The following RAB11FIP3 variants were observed in gnomAD, a reference collection of about 807,000 sequenced individuals.
RAB11FIP3 encodes RAB11 family interacting protein 3.
In RAB11FIP3, 17 loss-of-function variants were observed where a neutral mutation model predicts 77.8. That is an observed-to-expected ratio of 0.22 (90% CI 0.15 to 0.33). RAB11FIP3 has a LOEUF of 0.33. RAB11FIP3 is among the 10% of genes least tolerant of loss of function. The pLI, the probability that RAB11FIP3 is intolerant of heterozygous loss-of-function variation, is 1.00. For synonymous variants in RAB11FIP3, 437 were observed against 448.2 expected (o/e 0.98, Z 0.31); for missense variants, 1,005 against 1,011.2 (o/e 0.99, Z 0.08).
intron 5 of RAB11FIP3, chr16:491,055 C>G: frequency 8.3e-7 from 1 of 1,198,842 alleles, no homozygotes; most frequent in Non-Finnish European, 1.1e-6. Flanking sequence ...TGTCCTGTTC[C>G]CCTCGGCCCC....
At chr16:428,171 A>AT (rs904307722) in intron 1 of RAB11FIP3, among the ~76,000 whole-genome samples, 1 of 152,006 alleles carries the variant, frequency 6.6e-6, no homozygotes, top group African/African-American at 2.4e-5. Flanking sequence ...CTGAGTTCAC[A>AT]TTAAGAAGAT....
chr16:520,137 C>T lies in RAB11FIP3; in HGVS notation c.1876C>T (p.Arg626Ter), dbSNP rs1466672904. ...TGCCCTGCAGCTGATCGAGGACCTCCGAAAGCAGCTGGAGCACCTGCAGCT... is the reference window on the plus strand; with the variant it reads ...TGCCCTGCAGCTGATCGAGGACCTCTGAAAGCAGCTGGAGCACCTGCAGCT... ...EATQELIEDL[R>*]KQLEHLQLLK... Residue 626 changes from arginine to a stop codon, truncating the protein, a stop_gained, in exon 12 of 14, where the codon CGA becomes TGA. Transcript: ENST00000262305. LOFTEE classifies it high-confidence loss of function. The T allele has an allele frequency of 6.5e-7, 1 of 1,546,142 alleles. No homozygotes were observed. The highest frequency in any genetic ancestry group is 8.7e-7 in the Non-Finnish European group (1 of 1,147,732).
chr16:465,215 G>A (rs1467281000), intron 2 of RAB11FIP3, among the ~76,000 whole-genome samples: 3 of 152,078 alleles, frequency 2.0e-5, no homozygotes, highest in African/African-American at 4.8e-5. Context: ...CTGGATGCAG[G>A]CTTCTAGGTT....
At position 520,618 on chromosome 16, in the gene RAB11FIP3, G is replaced by T. The variant is rs1177299052; in HGVS notation, c.2157+19G>T. ...AGATGAGGTAACACATCCCGTGTCT[G>T]CACGGTGTGGCCTGGGGTCCACAGT... On this transcript the variant is annotated intron_variant, in intron 13 of 13. Coordinates refer to ENST00000262305, the MANE Select transcript of RAB11FIP3 (RefSeq NM_014700.4). 1 of 1,612,324 alleles carries T rather than the reference G, an allele frequency of 6.2e-7. No homozygotes were observed. The highest frequency in any genetic ancestry group is 2.2e-5 in the East Asian group (1 of 44,842).
intron 1 of RAB11FIP3, among the ~76,000 whole-genome samples, chr16:439,135 A>G (rs776250259): frequency 3.3e-5 from 5 of 152,224 alleles, no homozygotes; most frequent in Non-Finnish European, 5.9e-5. Context: ...ACAGGTGTGC[A>G]CCACTGTACT....
rs1413354103 is a variant in RAB11FIP3 at position 466,717 on chromosome 16, T to C, written c.809-4578T>C. On this transcript the variant is annotated intron_variant, in intron 2 of 13. Coordinates refer to ENST00000262305, the MANE Select transcript of RAB11FIP3 (RefSeq NM_014700.4). ...GTTTCTTAGTGGTTGCCCAGCCACC[T>C]GACACGCCAAGCTGGGGCCTTCTCC... Among the ~76,000 whole-genome samples the C allele has an allele frequency of 6.6e-5, 10 of 152,348 alleles. No individual in the cohort carries two copies. The East Asian group carries it at 1.9e-3, about 29-fold the overall frequency.
chr16:489,843 G>A (rs964385330), intron 5 of RAB11FIP3, among the ~76,000 whole-genome samples: 1 of 152,210 alleles, frequency 6.6e-6, no homozygotes, highest in Non-Finnish European at 1.5e-5. Flanking sequence ...CCTCCTTGAA[G>A]CCGCCCGTCA....
In RAB11FIP3 at chr16:458,264, C is replaced by T. The variant is rs112302397; in HGVS notation, c.715-3140C>T. Among the ~76,000 whole-genome samples, 1,431 of 152,346 alleles carry T rather than the reference C, an allele frequency of 9.4e-3. 24 individuals are homozygous for T. Among genetic ancestry groups the T allele is most frequent in the African/African-American group, 0.033 (1,353 of 41,592 alleles). Reference sequence around the variant, plus strand: ...GGCGATGCTATAGCCTTGCTGACCACGTGCTACACCCCCCATCCTTTTCCT... The same window carrying T: ...GGCGATGCTATAGCCTTGCTGACCATGTGCTACACCCCCCATCCTTTTCCT... On this transcript the variant is annotated intron_variant, in intron 1 of 13. Coordinates refer to ENST00000262305, the MANE Select transcript of RAB11FIP3 (RefSeq NM_014700.4).
intron 1 of RAB11FIP3, among the ~76,000 whole-genome samples, chr16:444,033 G>A (rs957446432): frequency 9.2e-5 from 14 of 152,166 alleles, no homozygotes; most frequent in African/African-American, 3.1e-4. Context: ...ATAAACAAGT[G>A]TTTTCGTTCT....
At chr16:443,738 G>A (rs974847551) in intron 1 of RAB11FIP3, among the ~76,000 whole-genome samples, 4 of 152,102 alleles carry the variant, frequency 2.6e-5, no homozygotes, top group African/African-American at 9.7e-5. Context: ...GCTAATTTTT[G>A]TACTTTTAGT....
At chr16:433,887 A>G (rs1475173464) in intron 1 of RAB11FIP3, among the ~76,000 whole-genome samples, 2 of 151,194 alleles carry the variant, frequency 1.3e-5, no homozygotes, top group African/African-American at 4.9e-5. Flanking sequence ...TCCATTGTGT[A>G]TCTATATTAC....
intron 3 of RAB11FIP3, chr16:474,868 G>A: frequency 6.9e-7 from 1 of 1,457,550 alleles, no homozygotes; most frequent in Non-Finnish European, 9.1e-7. Context: ...GTGTCTGGGA[G>A]CAGGTTAAAC....
intron 3 of RAB11FIP3, 58 bp from the exon 4 acceptor site, chr16:482,467 G>C (rs964185870): frequency 1.3e-6 from 2 of 1,511,820 alleles, no homozygotes; most frequent in Non-Finnish European, 1.8e-6. Flanking sequence ...GAGGTGTGGG[G>C]CGTTCGCAGT....
intron 3 of RAB11FIP3, chr16:477,695 C>T: frequency 1.0e-6 from 1 of 984,610 alleles, no homozygotes; most frequent in Non-Finnish European, 1.2e-6. Context: ...ACAGTGCTCT[C>T]CTGGTTCTGG....
chr16:501,793 A>G (rs578021616), intron 6 of RAB11FIP3, among the ~76,000 whole-genome samples: 1 of 150,272 alleles, frequency 6.7e-6, no homozygotes, highest in East Asian at 2.0e-4. Context: ...TTCACAGGCA[A>G]GGAAGTTCAG....
chr16:516,351 T>C (rs558274147), intron 9 of RAB11FIP3, among the ~76,000 whole-genome samples: 1 of 152,228 alleles, frequency 6.6e-6, no homozygotes, highest in East Asian at 1.9e-4. Context: ...GTTCTGAGGC[T>C]GGGACAGGCT....
At position 461,480 on chromosome 16, in the gene RAB11FIP3, C is replaced by A; in HGVS notation, c.791C>A (p.Thr264Lys). ...ISFEDFYQGI[T>K]AIRNGDPDGQ... ...TTTGAAGACTTCTACCAAGGGATCA[C>A]AGCCATCAGAAACGGAGGTCAGTCA... The change falls in exon 2 of 14, where the codon ACA becomes AAA. Residue 264 changes from threonine (T) to lysine (K), a missense_variant. This residue lies in a region of RAB11FIP3 where 466 missense variants were observed against 408.3 expected (regional missense o/e 1.14). Transcript: ENST00000262305. The surrounding 1 kb of genome is among the most constrained non-coding windows in gnomAD (Gnocchi z 4.5). 1 of 1,613,794 alleles carries A rather than the reference C, an allele frequency of 6.2e-7. No individual in the cohort carries two copies. Among genetic ancestry groups the A allele is most frequent in the East Asian group, 2.2e-5 (1 of 44,824 alleles).
At chr16:456,455 AAAAG>A (rs998541463) in intron 1 of RAB11FIP3, among the ~76,000 whole-genome samples, 6 of 149,184 alleles carry the variant, frequency 4.0e-5, no homozygotes, top group Admixed American at 1.3e-4. Flanking sequence ...AAAAAAAAGA[AAAAG>A]AAAAAGAAAA....
In RAB11FIP3 at chr16:461,493, C is replaced by T. The variant is rs757175651; in HGVS notation, c.804C>T (p.Asn268=). ...ACCAAGGGATCACAGCCATCAGAAA[C>T]GGAGGTCAGTCATCCCCGCCATGAG... ...DFYQGITAIR[N]GDPDGQCYGG... The change falls in exon 2 of 14, where the codon AAC becomes AAT. Residue 268 remains asparagine (N), a synonymous_variant. Transcript: ENST00000262305. This position sits in a 1 kb window ranked among gnomAD's most constrained non-coding sequence, Gnocchi z 4.5. The T allele has an allele frequency of 9.2e-5, 148 of 1,612,600 alleles. No homozygotes were observed. Among genetic ancestry groups the T allele is most frequent in the Non-Finnish European group, 1.1e-4 (130 of 1,179,526 alleles).
Sources: gnomAD v4.1 joint callset for allele counts (sites outside exome capture counted in the v4.1 genomes callset) on GRCh38, gnomAD v4.1.1 for gene constraint, gnomAD v4.1.1 regional missense constraint, Gnocchi (gnomAD v3.1) non-coding constraint, MANE v1.5 for transcripts, NCBI Gene and HGNC (gene_info 2026-07-23, HGNC 2026-07-21) for gene names.